MAP4: variants seen among roughly 807,000 people sequenced by gnomAD.
MAP4 encodes the protein microtubule associated protein 4.
In MAP4, 76 loss-of-function variants were observed where a neutral mutation model predicts 170.2. The ratio of observed to expected loss-of-function variants is 0.45; its 90% CI spans 0.37 to 0.54. The LOEUF is 0.54. MAP4 is among the 20% of genes least tolerant of loss of function. MAP4 has a pLI of 0.00. For missense variants in MAP4, 2,506 were observed against 2,748.0 expected (o/e 0.91, Z 1.97); for synonymous variants, 909 against 994.5 (o/e 0.91, Z 1.62).
At chr3:48,019,297 A>G (rs572265225), upstream of MAP4, among the ~76,000 whole-genome samples, 1 of 152,246 alleles carries the variant, frequency 6.6e-6, no homozygotes, top group Non-Finnish European at 1.5e-5. Flanking sequence ...AGCTATGATT[A>G]CAACACTGTA....
intron 9 of MAP4, among the ~76,000 whole-genome samples, chr3:47,903,360 C>T (rs1261442443): frequency 2.0e-5 from 3 of 152,032 alleles, no homozygotes; most frequent in Non-Finnish European, 4.4e-5. Context: ...GGTGAAACCC[C>T]GTCTCTACTA....
intron 1 of MAP4, among the ~76,000 whole-genome samples, chr3:48,009,503 C>G (rs752453278): frequency 1.1e-4 from 16 of 152,194 alleles, no homozygotes; most frequent in Non-Finnish European, 2.2e-4. Context: ...TAGGCTCATG[C>G]TCATGGAATT....
intron 3 of MAP4, among the ~76,000 whole-genome samples, chr3:47,966,228 C>T (rs1389991502): frequency 3.2e-3 from 159 of 50,256 alleles, no homozygotes; most frequent in African/African-American, 0.01. Context: ...CCCACACTAC[C>T]TTTTTTTTTT....
chr3:48,070,756 T>C (rs1047119967), intron 1 of MAP4, among the ~76,000 whole-genome samples: 3 of 151,394 alleles, frequency 2.0e-5, no homozygotes, highest in Non-Finnish European at 4.4e-5. Context: ...ATCCCAGCAC[T>C]TTGGGAGGCA....
intron 1 of MAP4, among the ~76,000 whole-genome samples, chr3:48,036,949 G>C (rs1383147314): frequency 6.6e-6 from 1 of 152,172 alleles, no homozygotes; most frequent in Non-Finnish European, 1.5e-5. Context: ...CTTACAGCCT[G>C]AAAAGTATTC....
At chr3:48,060,150 T>C (rs1375257456) in intron 1 of MAP4, among the ~76,000 whole-genome samples, 1 of 152,140 alleles carries the variant, frequency 6.6e-6, no homozygotes. Flanking sequence ...GGATGTAATC[T>C]CAATTAGTAA....
chr3:47,921,650 G>T, intron 5 of MAP4, 115 bp downstream of exon 5: 1 of 626,298 alleles, frequency 1.6e-6, no homozygotes, highest in Non-Finnish European at 2.9e-6. Context: ...TTAAACTTTG[G>T]TCTCTTTTTT....
chr3:48,071,340 G>A (rs1456561563), intron 1 of MAP4, among the ~76,000 whole-genome samples: 2 of 151,728 alleles, frequency 1.3e-5, no homozygotes, highest in Non-Finnish European at 2.9e-5. Context: ...TCAGGAGTTC[G>A]AGACCAGCCT....
At chr3:47,865,709 AT>A (rs1365782195) in intron 17 of MAP4, among the ~76,000 whole-genome samples, 1 of 152,228 alleles carries the variant, frequency 6.6e-6, no homozygotes, top group Non-Finnish European at 1.5e-5. Flanking sequence ...AAAGAACCGA[AT>A]GAACTCAAAA....
chr3:47,947,790 G>A (rs2100061093), intron 3 of MAP4, among the ~76,000 whole-genome samples: 1 of 135,130 alleles, frequency 7.4e-6, no homozygotes, highest in South Asian at 2.3e-4. Flanking sequence ...CAGCCTGGGC[G>A]ACAGAGAGAG....
intron 3 of MAP4, among the ~76,000 whole-genome samples, chr3:47,964,515 T>G (rs2100073667): frequency 6.6e-6 from 1 of 152,170 alleles, no homozygotes; most frequent in Non-Finnish European, 1.5e-5. Flanking sequence ...GTTTTGATTT[T>G]GGGGTGGGGC....
intron 3 of MAP4, among the ~76,000 whole-genome samples, chr3:47,944,949 C>CT (rs35189919): frequency 0.053 from 6,734 of 127,120 alleles, 231 homozygotes; most frequent in African/African-American, 0.07. Flanking sequence ...AAAAAGGAAC[C>CT]TTTTTTTTTT....
intron 3 of MAP4, among the ~76,000 whole-genome samples, chr3:47,947,804 C>CAA (rs554803000): frequency 2.8e-4 from 14 of 50,410 alleles, no homozygotes; most frequent in Admixed American, 1.1e-3. Context: ...GAGAGAGTCT[C>CAA]AAAAAAAAAA....
chr3:47,976,273 C>T (rs1198963042), intron 3 of MAP4, among the ~76,000 whole-genome samples: 3 of 152,162 alleles, frequency 2.0e-5, no homozygotes, highest in Non-Finnish European at 2.9e-5. Flanking sequence ...ACAGTGAGGG[C>T]CAGGATACAG....
At chr3:47,974,016 T>C (rs1050938423) in intron 3 of MAP4, 2 of 985,362 alleles carry the variant, frequency 2.0e-6, no homozygotes, top group Admixed American at 1.2e-4. Context: ...ACCAGACCCC[T>C]GTAGAAGAGG....
intron 1 of MAP4, among the ~76,000 whole-genome samples, chr3:48,035,256 G>A (rs138536134): frequency 6.7e-6 from 1 of 149,178 alleles, no homozygotes; most frequent in African/African-American, 2.5e-5. Flanking sequence ...TCTTCAGTGG[G>A]AGATGCAATA....
At chr3:48,040,291 C>A (rs542587559) in intron 1 of MAP4, among the ~76,000 whole-genome samples, 2 of 151,528 alleles carry the variant, frequency 1.3e-5, no homozygotes, top group South Asian at 2.1e-4. Context: ...TTTTTTGAGA[C>A]GGCATCTTGC....
rs550231407 is a variant in MAP4 at position 47,877,173 on chromosome 3, G to A, written c.5541+244C>T. The A allele has an allele frequency of 9.7e-4, 360 of 369,608 alleles. 1 individual carries two copies. Among genetic ancestry groups the A allele is most frequent in the African/African-American group, 6.9e-3 (328 of 47,736 alleles). The allele number at this position is 369,608 out of a possible 1,614,324, so 22.9% of individuals were successfully genotyped here. A position where few individuals can be genotyped will look rare whatever the true frequency, so the allele number is the denominator to read the frequency against. On this transcript the variant is annotated intron_variant, in intron 11 of 20. Transcript: ENST00000683076. ...ATTACAGGCATGAGCCACCATGCCC[G>A]GCCTCTACAGAACATTTTTTACAGA... is the stretch of plus-strand genomic sequence containing the variant.
chr3:47,852,741 G>A lies in MAP4; in HGVS notation c.*193C>T. ...CTGCCCCGGGCACGCAAAGCAGGAG[G>A]GAAGGCGAGCCTAGCGGGCTGCCCA... On this transcript the variant is annotated 3_prime_UTR_variant, in exon 21 of 21. Coordinates refer to ENST00000683076, the MANE Select transcript of MAP4 (RefSeq NM_001385682.1). 1.3e-6 allele frequency: 2 copies of A among 1,533,944 alleles called. No individual in the cohort carries two copies. The highest frequency in any genetic ancestry group is 1.2e-5 in the South Asian group (1 of 82,870).
Sources: allele counts gnomAD v4.1 joint callset (sites outside exome capture counted in the v4.1 genomes callset), GRCh38; gene constraint gnomAD v4.1.1; transcripts MANE v1.5; gene names NCBI Gene and HGNC (gene_info 2026-07-23, HGNC 2026-07-21).